Variants in KLHL22 observed in about 807,000 individuals in gnomAD.
KLHL22 encodes the protein kelch like family member 22.
In KLHL22, 18 loss-of-function variants were observed where a neutral mutation model predicts 60.7. The observed-to-expected ratio is 0.30, with a 90% confidence interval of 0.20 to 0.44. The LOEUF is 0.44. KLHL22 is among the 20% of genes least tolerant of loss of function. The probability of loss-of-function intolerance (pLI) is 1.00; values close to 1 mark genes in which losing one functional copy is unlikely to be tolerated. For missense variants in KLHL22, 596 were observed against 852.3 expected, an observed-to-expected ratio of 0.70 and a Z score of 3.74; for synonymous variants, 355 against 354.5, an observed-to-expected ratio of 1.00 and a Z score of -0.01.
chr22:20,487,553 C>A (rs1381886055), intron 2 of KLHL22, among the ~76,000 whole-genome samples: 1 of 152,084 alleles, frequency 6.6e-6, no homozygotes, highest in South Asian at 2.1e-4. Flanking sequence ...CACACACACA[C>A]CCCCCTGTGA....
intron 1 of KLHL22, among the ~76,000 whole-genome samples, chr22:20,494,838 A>G (rs1431324259): frequency 6.6e-6 from 1 of 152,234 alleles, no homozygotes; most frequent in Non-Finnish European, 1.5e-5. Flanking sequence ...CAGAGTCAAA[A>G]TCATTTCAGA....
intron 2 of KLHL22, chr22:20,482,858 T>C: frequency 8.0e-7 from 1 of 1,243,532 alleles, no homozygotes; most frequent in Non-Finnish European, 1.2e-6. Flanking sequence ...AGACACCACT[T>C]TGCCATCCAT....
At chr22:20,470,193 T>C (rs1421440465) in intron 3 of KLHL22, among the ~76,000 whole-genome samples, 1 of 150,740 alleles carries the variant, frequency 6.6e-6, no homozygotes, top group East Asian at 1.9e-4. Flanking sequence ...TATATATATA[T>C]ATAATATCAG....
intron 3 of KLHL22, among the ~76,000 whole-genome samples, chr22:20,468,702 G>C (rs1395231152): frequency 6.6e-6 from 1 of 152,052 alleles, no homozygotes; most frequent in East Asian, 1.9e-4. Context: ...TTTGAGATAA[G>C]CTGGCATGTA....
chr22:20,494,075 C>CCCA (rs2053731202), intron 1 of KLHL22, among the ~76,000 whole-genome samples: 1 of 6,564 alleles, frequency 1.5e-4, no homozygotes, highest in Non-Finnish European at 3.7e-4. Context: ...CCAGACTTTG[C>CCCA]CCCCCCCCCA....
At chr22:20,482,922 G>C (rs2146272204) in intron 2 of KLHL22, 1 of 1,060,880 alleles carries the variant, frequency 9.4e-7, no homozygotes, top group East Asian at 2.4e-5. Flanking sequence ...CTGCTGTCCA[G>C]GGCATCACCA....
intron 1 of KLHL22, chr22:20,491,570 G>A (rs1319480352): frequency 1.3e-5 from 2 of 152,098 alleles, no homozygotes; most frequent in Non-Finnish European, 2.9e-5. Flanking sequence ...AATACTATAG[G>A]CAACTGTAAC....
Position 20,495,176 on chromosome 22 carries a change from G to C in KLHL22, c.-34+584C>G, listed in dbSNP as rs924312988. On this transcript the variant is annotated intron_variant, in intron 1 of 6. Coordinates refer to ENST00000328879, the MANE Select transcript of KLHL22 (RefSeq NM_032775.4). The surrounding 1 kb of genome is among the most constrained non-coding windows in gnomAD (Gnocchi z 4.6). ...CCCGCTGCCCGCCCCAGATCCACTCGGCTCGGCCCGCACCGGATCTAAAAT... is the reference window on the plus strand; with the variant it reads ...CCCGCTGCCCGCCCCAGATCCACTCCGCTCGGCCCGCACCGGATCTAAAAT... Among the ~76,000 whole-genome samples the C allele has an allele frequency of 6.6e-6, 1 of 152,206 alleles. No homozygotes were observed. The highest frequency in any genetic ancestry group is 1.5e-5 in the Non-Finnish European group (1 of 68,040).
At position 20,489,157 on chromosome 22, in the gene KLHL22, G is replaced by A. The variant is rs1368620133; in HGVS notation, c.55C>T (p.His19Tyr). Reference protein sequence around the residue: ...QLCKLPAQPSHPHCVNNTYRS... With the variant: ...QLCKLPAQPSYPHCVNNTYRS... ...TAGGTGTTGTTCACGCAGTGTGGGT[G>A]TGAGGGCTGTGCAGGCAACTTGCAG... The change falls in exon 2 of 7, where the codon CAC (histidine) becomes TAC (tyrosine). Residue 19 changes from histidine to tyrosine, a missense_variant. Transcript: ENST00000328879. 4 of 1,614,208 alleles carry A rather than the reference G, an allele frequency of 2.5e-6. No homozygotes were observed. The highest frequency in any genetic ancestry group is 3.4e-6 in the Non-Finnish European group (4 of 1,180,046).
At chr22:20,470,834 GCATGC>G (rs1180297547) in intron 3 of KLHL22, among the ~76,000 whole-genome samples, 11 of 143,074 alleles carry the variant, frequency 7.7e-5, no homozygotes, top group Non-Finnish European at 1.3e-4. Context: ...ATGGATGCAT[GCATGC>G]ATGGATGGAT....
chr22:20,462,994 CT>C (rs1413598635), intron 4 of KLHL22, among the ~76,000 whole-genome samples: 12 of 152,112 alleles, frequency 7.9e-5, no homozygotes, highest in Non-Finnish European at 1.6e-4. Flanking sequence ...AAGCCTATAG[CT>C]TTTAGAATTC....
At chr22:20,453,604 T>C (rs2053014513) in intron 5 of KLHL22, among the ~76,000 whole-genome samples, 2 of 152,212 alleles carry the variant, frequency 1.3e-5, no homozygotes, top group African/African-American at 4.8e-5. Flanking sequence ...TTATCGTTCT[T>C]TTTCAAAATT....
intron 2 of KLHL22, among the ~76,000 whole-genome samples, chr22:20,484,365 G>A (rs1423498238): frequency 6.6e-6 from 1 of 152,098 alleles, no homozygotes. Context: ...CGCGATCTCA[G>A]CTCACTACAA....
chr22:20,483,358 G>A, intron 2 of KLHL22: 1 of 746,668 alleles, frequency 1.3e-6, no homozygotes, highest in Non-Finnish European at 2.5e-6. Flanking sequence ...CTGGATGTCT[G>A]CCACGATCTT....
At chr22:20,490,209 C>T (rs983364205) in intron 1 of KLHL22, among the ~76,000 whole-genome samples, 1 of 152,202 alleles carries the variant, frequency 6.6e-6, no homozygotes, top group Non-Finnish European at 1.5e-5. Flanking sequence ...ACTTTCCTCT[C>T]CCCAAAATAT....
intron 1 of KLHL22, among the ~76,000 whole-genome samples, chr22:20,493,441 C>T (rs765054856): frequency 3.3e-5 from 5 of 152,250 alleles, no homozygotes; most frequent in Non-Finnish European, 7.3e-5. Flanking sequence ...CTCAGGAGAA[C>T]AGATGTCATG....
At chr22:20,483,838 G>A (rs1191485382) in intron 2 of KLHL22, 14 of 732,528 alleles carry the variant, frequency 1.9e-5, no homozygotes, top group South Asian at 6.8e-5. Flanking sequence ...GAGGCCAGGC[G>A]GTCATTCAGG....
At chr22:20,472,080 C>CT (rs1173075642) in intron 2 of KLHL22, among the ~76,000 whole-genome samples, 4 of 151,782 alleles carry the variant, frequency 2.6e-5, no homozygotes, top group African/African-American at 9.7e-5. Flanking sequence ...AACCGCGTCT[C>CT]TACTAAAAAT....
chr22:20,481,597 A>AT (rs200145897), intron 2 of KLHL22, among the ~76,000 whole-genome samples: 78 of 151,830 alleles, frequency 5.1e-4, no homozygotes, highest in Non-Finnish European at 8.8e-4. Context: ...TTAAAAAAAA[A>AT]TTTTTTTTTC....
Sources: gnomAD v4.1 joint callset for allele counts (sites outside exome capture counted in the v4.1 genomes callset) on GRCh38, gnomAD v4.1.1 for gene constraint, Gnocchi (gnomAD v3.1) non-coding constraint, MANE v1.5 for transcripts, NCBI Gene and HGNC (gene_info 2026-07-23, HGNC 2026-07-21) for gene names.